The following ARHGAP18 variants were observed in gnomAD, a reference collection of about 807,000 sequenced individuals.
ARHGAP18 encodes the protein Rho GTPase activating protein 18.
In ARHGAP18, 67 loss-of-function variants were observed where a neutral mutation model predicts 86.2. The observed-to-expected ratio is 0.78, with a 90% CI of 0.64 to 0.95. The LOEUF is 0.95. ARHGAP18 is among the 40% of genes least tolerant of loss of function. The pLI is 0.00. For synonymous variants in ARHGAP18, 283 were observed against 280.4 expected, an observed-to-expected ratio of 1.01 and a Z score of -0.09; for missense variants, 691 against 780.4, an observed-to-expected ratio of 0.89 and a Z score of 1.37.
rs34563210 is a variant in ARHGAP18, at chr6:129,602,987, T to TTATATA, written c.1366-2145_1366-2140dup. Among the ~76,000 whole-genome samples the TTATATA allele has an allele frequency of 2.3e-3, 332 of 146,810 alleles. 1 individual carries two copies. Among genetic ancestry groups the TTATATA allele is most frequent in the Middle Eastern group, 0.011 (3 of 280 alleles). On this transcript the variant is annotated intron_variant, in intron 10 of 14. Coordinates refer to ENST00000368149, the MANE Select transcript of ARHGAP18 (RefSeq NM_033515.3). ...TATCTGAACCTTCAGAATTTCCCCT[T>TTATATA]TATATATATATATATATAATTTCAA... is the stretch of plus-strand genomic sequence containing the variant.
At chr6:129,700,299 C>T (rs1774690068) in intron 1 of ARHGAP18, among the ~76,000 whole-genome samples, 1 of 152,028 alleles carries the variant, frequency 6.6e-6, no homozygotes, top group African/African-American at 2.4e-5. Context: ...ATAACTTTTC[C>T]TTGCTCTACA....
intron 1 of ARHGAP18, among the ~76,000 whole-genome samples, chr6:129,694,736 G>C (rs752006632): frequency 6.6e-6 from 1 of 152,186 alleles, no homozygotes; most frequent in Non-Finnish European, 1.5e-5. Context: ...TGTCACTTGA[G>C]ATATTTCCCC....
chr6:129,689,928 G>A (rs1003765013), intron 1 of ARHGAP18, among the ~76,000 whole-genome samples: 1 of 152,102 alleles, frequency 6.6e-6, no homozygotes, highest in African/African-American at 2.4e-5. Flanking sequence ...CTACAAAGAG[G>A]TTTGGCCATG....
intron 5 of ARHGAP18, among the ~76,000 whole-genome samples, chr6:129,622,954 T>C (rs567237032): frequency 1.2e-3 from 152 of 129,752 alleles, no homozygotes; most frequent in Non-Finnish European, 1.9e-3. Context: ...TGAGCCGAGA[T>C]CGCGCCATTG....
intron 11 of ARHGAP18, among the ~76,000 whole-genome samples, chr6:129,600,034 T>A (rs117413338): frequency 6.6e-6 from 1 of 152,158 alleles, no homozygotes; most frequent in African/African-American, 2.4e-5. Flanking sequence ...GATCTAAATA[T>A]CATCACTCTG....
intron 1 of ARHGAP18, among the ~76,000 whole-genome samples, chr6:129,683,863 C>T (rs984731408): frequency 3.9e-5 from 6 of 152,056 alleles, no homozygotes; most frequent in African/African-American, 9.7e-5. Context: ...GGTGTAACCA[C>T]GGCGGGGGGG....
At chr6:129,674,051 T>G (rs941340293) in intron 1 of ARHGAP18, among the ~76,000 whole-genome samples, 4 of 152,146 alleles carry the variant, frequency 2.6e-5, no homozygotes, top group African/African-American at 9.7e-5. Context: ...TCCCCATCAC[T>G]AAGGAAATAT....
At chr6:129,623,282 T>A in intron 5 of ARHGAP18, among the ~76,000 whole-genome samples, 1 of 152,176 alleles carries the variant, frequency 6.6e-6, no homozygotes. Flanking sequence ...GCATGTCAAG[T>A]TACCTCTCTA....
intron 4 of ARHGAP18, among the ~76,000 whole-genome samples, chr6:129,632,855 T>C (rs1773247763): frequency 6.6e-6 from 1 of 152,174 alleles, no homozygotes; most frequent in Non-Finnish European, 1.5e-5. Context: ...AGGATTTTTA[T>C]AGGAATGTTG....
chr6:129,601,567 G>C (rs1788746495), intron 10 of ARHGAP18, among the ~76,000 whole-genome samples: 1 of 151,406 alleles, frequency 6.6e-6, no homozygotes, highest in African/African-American at 2.4e-5. Flanking sequence ...GAAAAGAAAA[G>C]AGAGGTGAGG....
At chr6:129,630,143 A>G (rs977051929) in intron 4 of ARHGAP18, among the ~76,000 whole-genome samples, 1 of 152,228 alleles carries the variant, frequency 6.6e-6, no homozygotes, top group Non-Finnish European at 1.5e-5. Context: ...CAAAAAGTAT[A>G]AAAGTTCCTA....
intron 4 of ARHGAP18, among the ~76,000 whole-genome samples, chr6:129,631,398 A>AAG (rs760668642): frequency 1.3e-5 from 2 of 152,274 alleles, no homozygotes; most frequent in East Asian, 3.9e-4. Context: ...AATGCAAAAA[A>AAG]AAAATACCGC....
At chr6:129,614,763 T>C (rs1789058587) in intron 7 of ARHGAP18, among the ~76,000 whole-genome samples, 1 of 151,808 alleles carries the variant, frequency 6.6e-6, no homozygotes, top group African/African-American at 2.4e-5. Flanking sequence ...TTTTTTTTTT[T>C]TTTTTTGGTT....
chr6:129,590,933 C>T (rs1366933625), intron 12 of ARHGAP18, among the ~76,000 whole-genome samples: 2 of 152,158 alleles, frequency 1.3e-5, no homozygotes, highest in Non-Finnish European at 2.9e-5. Context: ...ATATACAATG[C>T]TCTTTATCCC....
intron 11 of ARHGAP18, among the ~76,000 whole-genome samples, chr6:129,599,966 C>T (rs1788704054): frequency 6.6e-6 from 1 of 152,004 alleles, no homozygotes; most frequent in Non-Finnish European, 1.5e-5. Flanking sequence ...TAAAAAAACA[C>T]ATTTGAAATC....
chr6:129,694,335 G>C (rs1774577608), intron 1 of ARHGAP18, among the ~76,000 whole-genome samples: 1 of 152,182 alleles, frequency 6.6e-6, no homozygotes, highest in Non-Finnish European at 1.5e-5. Flanking sequence ...CCTTGGGCAA[G>C]TTACTTTACC....
chr6:129,686,787 C>G, intron 1 of ARHGAP18, among the ~76,000 whole-genome samples: 1 of 136,490 alleles, frequency 7.3e-6, no homozygotes, highest in East Asian at 2.0e-4. Context: ...CCTAATAAAA[C>G]CTTTTTTTTT....
intron 1 of ARHGAP18, among the ~76,000 whole-genome samples, chr6:129,667,445 G>A (rs1012521236): frequency 4.7e-5 from 7 of 147,556 alleles, no homozygotes; most frequent in Non-Finnish European, 8.9e-5. Flanking sequence ...CATCAACCAG[G>A]TCTATATCAA....
rs1014698939 is a variant in ARHGAP18, at chr6:129,605,929, G to A, written c.1313C>T (p.Ala438Val). ...NLPTKKQQLQ[A>V]LNLLVILLPD... Reference sequence around the variant, plus strand: ...TAGGAGGATGACAAGAAGGTTCAAAGCCTGTAGTTGCTGCTTCTTGGTTGG... The same window carrying A: ...TAGGAGGATGACAAGAAGGTTCAAAACCTGTAGTTGCTGCTTCTTGGTTGG... The change falls in exon 10 of 15, where the codon GCT becomes GTT. Residue 438 changes from alanine (A) to valine (V), a missense_variant. By Grantham distance (64) the Ala-to-Val change is moderately conservative (BLOSUM62 0). Transcript: ENST00000368149. 6.2e-7 allele frequency: 1 copy of A among 1,613,476 alleles called. No individual in the cohort carries two copies. Among genetic ancestry groups the A allele is most frequent in the African/African-American group, 1.3e-5 (1 of 74,882 alleles).
Sources: allele counts gnomAD v4.1 joint callset (sites outside exome capture counted in the v4.1 genomes callset), GRCh38; gene constraint gnomAD v4.1.1; transcripts MANE v1.5; gene names NCBI Gene and HGNC (gene_info 2026-07-23, HGNC 2026-07-21).